Variants in CNBD1 observed in about 807,000 individuals in gnomAD.
CNBD1 encodes cyclic nucleotide-binding domain-containing protein 1.
Under a neutral mutation model 54.4 loss-of-function variants are expected in CNBD1, and 71 were observed. The ratio of observed to expected loss-of-function variants is 1.30; its 90% CI spans 1.08 to 1.59. The LOEUF (loss-of-function observed/expected upper bound fraction) is 1.59, where lower values mean the gene tolerates loss of function less well. CNBD1 is among the 40% of genes most tolerant of loss of function. The probability of loss-of-function intolerance (pLI) is 0.00; values close to 1 mark genes in which losing one functional copy is unlikely to be tolerated. For synonymous variants in CNBD1, 182 were observed against 170.7 expected (o/e 1.07, Z -0.51); for missense variants, 659 against 518.0 (o/e 1.27, Z -2.64).
At chr8:87,268,590 C>T (rs1425618003) in intron 6 of CNBD1, among the ~76,000 whole-genome samples, 4 of 151,960 alleles carry the variant, frequency 2.6e-5, no homozygotes, top group Admixed American at 2.0e-4. Context: ...ACCTCACCAA[C>T]ATCTGTTGTT....
chr8:87,297,999 C>T (rs961280725), intron 8 of CNBD1, among the ~76,000 whole-genome samples: 1 of 151,218 alleles, frequency 6.6e-6, no homozygotes, highest in Admixed American at 6.6e-5. Context: ...TTAATATAGA[C>T]ATTAACATAT....
At chr8:87,411,235 C>T (rs1256866687) in intron 2 of CNBD1, among the ~76,000 whole-genome samples, 12 of 151,440 alleles carry the variant, frequency 7.9e-5, no homozygotes, top group Admixed American at 7.9e-4. Context: ...TATTTATCCT[C>T]ATTTCTGGCA....
At chr8:87,233,191 G>A (rs770984604) in intron 5 of CNBD1, among the ~76,000 whole-genome samples, 18 of 152,208 alleles carry the variant, frequency 1.2e-4, no homozygotes, top group Middle Eastern at 3.4e-3. Context: ...TGATCTGGAC[G>A]TTGATCCTAG....
chr8:87,404,600 G>A lies in CNBD1; in HGVS notation c.214-23946G>A, dbSNP rs541121152. On this transcript the variant is annotated intron_variant, in intron 2 of 7. Transcript: ENST00000521593. The stretch of plus-strand genomic sequence containing the variant: ...AGTGCTAAATTTGTTGCATGTAGAA[G>A]TGGTTCTTTTTGTTCGTTTATGTCC... 2.0e-5 allele frequency among the ~76,000 whole-genome samples: 3 copies of A among 152,188 alleles called. No homozygotes were observed. In the East Asian group the frequency reaches 5.8e-4, roughly 30 times the overall value.
intron 4 of CNBD1, among the ~76,000 whole-genome samples, chr8:86,945,187 G>A (rs1310861208): frequency 6.6e-6 from 1 of 152,196 alleles, no homozygotes; most frequent in East Asian, 1.9e-4. Context: ...TGTGGGAGCT[G>A]TGGAAAGGGT....
chr8:86,994,245 G>A (rs1808819466), intron 4 of CNBD1, among the ~76,000 whole-genome samples: 1 of 152,208 alleles, frequency 6.6e-6, no homozygotes, highest in Admixed American at 6.5e-5. Flanking sequence ...CTGTGCTGAG[G>A]AATCTGAAGT....
intron 9 of CNBD1, among the ~76,000 whole-genome samples, chr8:87,352,478 C>CAAAAAAAAA (rs386413278): frequency 2.8e-5 from 3 of 107,462 alleles, no homozygotes; most frequent in African/African-American, 1.2e-4. Context: ...GACTCTGTCT[C>CAAAAAAAAA]AAAAAAAAAA....
chr8:87,230,037 TG>T (rs145895426), intron 5 of CNBD1, among the ~76,000 whole-genome samples: 2,761 of 152,236 alleles, frequency 0.018, 93 homozygotes, highest in African/African-American at 0.064. Flanking sequence ...GCTTAACTTC[TG>T]GGGAGGCCTC....
chr8:87,421,706 G>A (rs1233315534), intron 2 of CNBD1, among the ~76,000 whole-genome samples: 1 of 150,578 alleles, frequency 6.6e-6, no homozygotes, highest in Non-Finnish European at 1.5e-5. Flanking sequence ...CCAAGTCTTT[G>A]CTATTGTGAA....
At chr8:87,296,501 T>C (rs948926680) in intron 8 of CNBD1, among the ~76,000 whole-genome samples, 5 of 152,044 alleles carry the variant, frequency 3.3e-5, no homozygotes, top group African/African-American at 1.2e-4. Flanking sequence ...AAGGGTTTCT[T>C]TGTGAATGGT....
intron 8 of CNBD1, among the ~76,000 whole-genome samples, chr8:87,348,285 CA>C (rs1810214683): frequency 6.6e-6 from 1 of 152,076 alleles, no homozygotes; most frequent in Non-Finnish European, 1.5e-5. Context: ...AATAAATATA[CA>C]TTTTTAATAA....
intron 10 of CNBD1, among the ~76,000 whole-genome samples, chr8:87,355,890 T>A (rs1810410111): frequency 1.3e-5 from 2 of 152,132 alleles, no homozygotes; most frequent in South Asian, 4.1e-4. Context: ...AGGAGATGGA[T>A]CCTTTATGAA....
intron 4 of CNBD1, among the ~76,000 whole-genome samples, chr8:86,970,927 G>A (rs1023482615): frequency 3.9e-4 from 60 of 152,132 alleles, no homozygotes; most frequent in Non-Finnish European, 2.4e-4. Flanking sequence ...TCAGTTATAC[G>A]TTTATCATTT....
intron 4 of CNBD1, among the ~76,000 whole-genome samples, chr8:87,045,275 G>A (rs1453994946): frequency 6.6e-6 from 1 of 152,240 alleles, no homozygotes; most frequent in South Asian, 2.1e-4. Flanking sequence ...AAGAAAAAGA[G>A]GTCCCAGTAA....
chr8:87,222,912 A>G (rs1411566945), intron 5 of CNBD1, among the ~76,000 whole-genome samples: 1 of 152,258 alleles, frequency 6.6e-6, no homozygotes, highest in South Asian at 2.1e-4. Context: ...TTGATTTTTC[A>G]TGTAATAGAA....
chr8:87,336,196 G>T (rs750011033), intron 8 of CNBD1, among the ~76,000 whole-genome samples: 5 of 152,072 alleles, frequency 3.3e-5, no homozygotes, highest in Non-Finnish European at 4.4e-5. Context: ...TTCTCATGGA[G>T]TGTCTTAGTG....
intron 10 of CNBD1, among the ~76,000 whole-genome samples, chr8:87,373,265 A>G (rs969543737): frequency 6.6e-6 from 1 of 151,862 alleles, no homozygotes; most frequent in Non-Finnish European, 1.5e-5. Flanking sequence ...TGATACTTCT[A>G]CTGATACTTC....
chr8:86,886,039 C>G (rs1808676061), intron 1 of CNBD1, among the ~76,000 whole-genome samples: 1 of 151,990 alleles, frequency 6.6e-6, no homozygotes, highest in Non-Finnish European at 1.5e-5. Flanking sequence ...TTTTTAAAGC[C>G]TCTCTTTTTT....
Position 86,866,520 on chromosome 8 carries a change from G to T in CNBD1, c.25G>T (p.Ala9Ser). MPMSSLPA[A>S]ILSHMTAINN... is the part of the protein sequence containing the mutation. ...GATGCCGATGTCTTCTCTTCCAGCA[G>T]CTATTTTGTCTCACATGACAGCTAT... Residue 9 changes from alanine to serine, a missense_variant, in exon 1 of 11, where the codon GCT becomes TCT. By Grantham distance (99) the Ala-to-Ser change is moderately conservative. Transcript: ENST00000518476. 6.2e-7 allele frequency: 1 copy of T among 1,612,094 alleles called. No individual in the cohort carries two copies. The highest frequency in any genetic ancestry group is 8.5e-7 in the Non-Finnish European group (1 of 1,179,196).
Sources: gnomAD v4.1 joint callset for allele counts (sites outside exome capture counted in the v4.1 genomes callset) on GRCh38, gnomAD v4.1.1 for gene constraint, MANE v1.5 for transcripts, NCBI Gene and HGNC (gene_info 2026-07-23, HGNC 2026-07-21) for gene names.